ANKRD36B: variants seen among roughly 807,000 people sequenced by gnomAD.
The protein encoded by ANKRD36B is ankyrin repeat domain-containing protein 36B.
In ANKRD36B, 37 loss-of-function variants were observed where a neutral mutation model predicts 135.7. The observed-to-expected ratio is 0.27, with a 90% CI of 0.21 to 0.36. The LOEUF is 0.36. Ranked by LOEUF, ANKRD36B falls within the 10% of genes least tolerant of loss-of-function variation. The pLI is 1.00. For synonymous variants in ANKRD36B, 179 were observed against 348.1 expected (o/e 0.51, Z 5.41); for missense variants, 549 against 1,037.1 (o/e 0.53, Z 6.46).
rs183246566 is a variant in ANKRD36B, at chr2:97,538,153, A to G, written c.2089+15T>C. On this transcript the variant is annotated intron_variant, in intron 32 of 43. Coordinates refer to ENST00000359901, the MANE Select transcript of ANKRD36B (RefSeq NM_001393939.1). ...CTTGAGTGCACATGACATTAAATGT[A>G]TATTGCCAAATTACCTGTTCCAGAT... The G allele has an allele frequency of 2.4e-5, 24 of 994,440 alleles. 5 individuals carry two copies. The highest frequency in any genetic ancestry group is 1.7e-4 in the African/African-American group (10 of 59,234). The allele number at this position is 994,440 out of a possible 1,614,324, so 61.6% of individuals were successfully genotyped here. A position where few individuals can be genotyped will look rare whatever the true frequency, so the allele number is the denominator to read the frequency against.
rs369872022 is a variant in ANKRD36B, at chr2:97,555,513, A to G, written c.1070-259T>C. Reference sequence around the variant, plus strand: ...CTAAAATGAAACAGTGTTAGTATCAATGTGAATATGCCGAATGATGAGGAC... The same window carrying G: ...CTAAAATGAAACAGTGTTAGTATCAGTGTGAATATGCCGAATGATGAGGAC... On this transcript the variant is annotated intron_variant, in intron 12 of 43. Coordinates refer to ENST00000359901, the MANE Select transcript of ANKRD36B (RefSeq NM_001393939.1). 3.0e-3 allele frequency among the ~76,000 whole-genome samples: 451 copies of G among 152,052 alleles called. 4 individuals are homozygous for G. Among genetic ancestry groups the G allele is most frequent in the African/African-American group, 9.7e-3 (402 of 41,524 alleles).
At position 97,566,199 on chromosome 2, in the gene ANKRD36B, T is replaced by C. The variant is rs554527077; in HGVS notation, c.764-5339A>G. 2.1e-4 allele frequency among the ~76,000 whole-genome samples: 32 copies of C among 152,092 alleles called. No homozygotes were observed. The East Asian group carries it at 6.2e-3, about 29-fold the overall frequency. ...AGCTGAGTGCGGTGGCACACGTATG[T>C]AATCCCAGCTACTCGGGAGGCTGAG... On this transcript the variant is annotated intron_variant, in intron 6 of 43. Coordinates refer to ENST00000359901, the MANE Select transcript of ANKRD36B (RefSeq NM_001393939.1).
At chr2:97,551,994 G>T (rs2080112578) in intron 16 of ANKRD36B, among the ~76,000 whole-genome samples, 1 of 151,956 alleles carries the variant, frequency 6.6e-6, no homozygotes, top group African/African-American at 2.4e-5. Flanking sequence ...CACTGGTAAT[G>T]TCCTAAATTA....
At chr2:97,560,634 A>G in intron 8 of ANKRD36B, 31 bp downstream of exon 8, 1 of 1,599,118 alleles carries the variant, frequency 6.3e-7, no homozygotes, top group South Asian at 1.1e-5. Flanking sequence ...TCTTGATTGA[A>G]CATGACATTA....
At chr2:97,571,476 T>A (rs982406739) in intron 6 of ANKRD36B, among the ~76,000 whole-genome samples, 17 of 152,088 alleles carry the variant, frequency 1.1e-4, no homozygotes, top group Admixed American at 4.6e-4. Context: ...TGAAACCGCA[T>A]CTCTACTAAA....
intron 6 of ANKRD36B, among the ~76,000 whole-genome samples, chr2:97,573,504 T>C (rs9679361): frequency 0.72 from 103,873 of 143,626 alleles, 38,132 homozygotes; most frequent in African/African-American, 0.86. Context: ...CATCAAGCTA[T>C]CAATGACTTT....
chr2:97,574,323 T>A (rs1456485348), intron 6 of ANKRD36B, among the ~76,000 whole-genome samples: 1 of 152,024 alleles, frequency 6.6e-6, no homozygotes, highest in African/African-American at 2.4e-5. Flanking sequence ...GAAATGCAAA[T>A]CAAAACCACA....
At chr2:97,579,439 A>G (rs2104249460) in intron 4 of ANKRD36B, among the ~76,000 whole-genome samples, 1 of 147,744 alleles carries the variant, frequency 6.8e-6, no homozygotes, top group African/African-American at 2.5e-5. Flanking sequence ...TTAAAACAAT[A>G]ATATTAATAG....
At position 97,542,016 on chromosome 2, in the gene ANKRD36B, A is replaced by G. The variant is rs1311354296; in HGVS notation, c.1813-33T>C. Reference sequence around the variant, plus strand: ...GGATTTGAAACAAAATAATCAATACATAAAGTATATATTCATAGACTATAC... The same window carrying G: ...GGATTTGAAACAAAATAATCAATACGTAAAGTATATATTCATAGACTATAC... On this transcript the variant is annotated intron_variant, in intron 27 of 43. Coordinates refer to ENST00000359901, the MANE Select transcript of ANKRD36B (RefSeq NM_001393939.1). The G allele has an allele frequency of 2.5e-5, 16 of 648,114 alleles. 1 individual carries two copies. The highest frequency in any genetic ancestry group is 2.3e-4 in the South Asian group (16 of 68,920). The allele number at this position is 648,114 out of a possible 1,614,324, so 40.1% of individuals were successfully genotyped here.
chr2:97,529,567 G>A lies in ANKRD36B; in HGVS notation c.2265+2744C>T, dbSNP rs556751925. On this transcript the variant is annotated intron_variant, in intron 35 of 43. Coordinates refer to ENST00000359901, the MANE Select transcript of ANKRD36B (RefSeq NM_001393939.1). ...AGTTCTGGCCAGGCCCATTAGGCAGGAGAAGGAAATAAAGGGTATTCAATT... is the reference window on the plus strand; with the variant it reads ...AGTTCTGGCCAGGCCCATTAGGCAGAAGAAGGAAATAAAGGGTATTCAATT... Among the ~76,000 whole-genome samples, 17 of 95,600 alleles carry A rather than the reference G, an allele frequency of 1.8e-4. 3 individuals carry two copies. In the South Asian group the frequency reaches 3.6e-3, roughly 20 times the overall value. The allele number at this position is 95,600 out of a possible 152,430, so 62.7% of individuals were successfully genotyped here.
intron 14 of ANKRD36B, 131 bp from the exon 15 acceptor site, chr2:97,553,502 T>C: frequency 2.6e-6 from 3 of 1,174,606 alleles, no homozygotes; most frequent in Non-Finnish European, 3.6e-6. Flanking sequence ...TTCTACTTTA[T>C]GTCTTAAGCC....
In ANKRD36B at chr2:97,532,897, C is replaced by T. The variant is rs191727973; in HGVS notation, c.2192-513G>A. On this transcript the variant is annotated intron_variant, in intron 34 of 43. Coordinates refer to ENST00000359901, the MANE Select transcript of ANKRD36B (RefSeq NM_001393939.1). ...TGTCACCAGGTTCAAGCCATGCAAA[C>T]GTGGTCAAAGATTCACTCACAAATT... Among the ~76,000 whole-genome samples, 247 of 95,820 alleles carry T rather than the reference C, an allele frequency of 2.6e-3. 90 individuals are homozygous for T. Among genetic ancestry groups the T allele is most frequent in the Non-Finnish European group, 5.3e-3 (192 of 36,164 alleles). The allele number at this position is 95,820 out of a possible 152,430, so 62.9% of individuals were successfully genotyped here. A position where few individuals can be genotyped will look rare whatever the true frequency, so the allele number is the denominator to read the frequency against.
chr2:97,573,261 G>A (rs2082006422), intron 6 of ANKRD36B, among the ~76,000 whole-genome samples: 2 of 152,154 alleles, frequency 1.3e-5, no homozygotes, highest in South Asian at 4.1e-4. Flanking sequence ...TCTTATGGCT[G>A]CATAGTATTC....
intron 14 of ANKRD36B, among the ~76,000 whole-genome samples, 178 bp from the exon 15 acceptor site, chr2:97,553,549 T>C (rs531353272): frequency 1.3e-5 from 2 of 151,938 alleles, no homozygotes; most frequent in African/African-American, 2.4e-5. Context: ...AAAACAGAAA[T>C]AGATGTGTCA....
rs555799153 is a variant in ANKRD36B, at chr2:97,559,954, A to G, written c.865+711T>C. ...ATATGCAAGTTTATCTCATTTTTAT[A>G]AGTAAAGTCAACAAAACATGTATCT... On this transcript the variant is annotated intron_variant, in intron 8 of 43. Coordinates refer to ENST00000359901, the MANE Select transcript of ANKRD36B (RefSeq NM_001393939.1). 1.5e-3 allele frequency among the ~76,000 whole-genome samples: 225 copies of G among 152,032 alleles called. 1 individual carries two copies. Among genetic ancestry groups the G allele is most frequent in the Middle Eastern group, 0.014 (4 of 294 alleles).
intron 43 of ANKRD36B, chr2:97,506,295 G>A (rs2077364870): frequency 1.8e-4 from 1 of 5,442 alleles, no homozygotes; most frequent in African/African-American, 3.1e-4. Context: ...AATATTGTAG[G>A]CTTTTTGGTA....
intron 8 of ANKRD36B, 28 bp downstream of exon 8, chr2:97,560,637 T>A (rs1278181317): frequency 1.3e-6 from 2 of 1,599,148 alleles, no homozygotes; most frequent in Non-Finnish European, 1.7e-6. Context: ...TGATTGAACA[T>A]GACATTAGAT....
In ANKRD36B at chr2:97,576,434, T is replaced by G; in HGVS notation, c.708A>C (p.Leu236=). 7.9e-7 allele frequency: 1 copy of G among 1,258,746 alleles called. No homozygotes were observed. The highest frequency in any genetic ancestry group is 1.1e-6 in the Non-Finnish European group (1 of 920,136). 78.0% of individuals were successfully genotyped at this position (1,258,746 alleles called of 1,614,324 possible). ...SEAENRVIFD[L]IYEYKRKRYE... ...ATCTCTTTCTTTTGTATTCATAAAT[T>G]AGATCAAAAATGCTATGCATAAAAA... Residue 236 remains leucine, a synonymous_variant, in exon 6 of 44, where the codon CTA becomes CTC. Coordinates refer to ENST00000359901, the MANE Select transcript of ANKRD36B (RefSeq NM_001393939.1).
At chr2:97,574,813 C>T (rs2082121457) in intron 6 of ANKRD36B, among the ~76,000 whole-genome samples, 1 of 151,944 alleles carries the variant, frequency 6.6e-6, no homozygotes, top group African/African-American at 2.4e-5. Context: ...TTTTCTCACA[C>T]ATTACCCTTA....
Sources: allele counts gnomAD v4.1 joint callset (sites outside exome capture counted in the v4.1 genomes callset), GRCh38; gene constraint gnomAD v4.1.1; transcripts MANE v1.5; gene names NCBI Gene and HGNC (gene_info 2026-07-23, HGNC 2026-07-21).